SERPINA4: variants seen among roughly 807,000 people sequenced by gnomAD.
The protein encoded by SERPINA4 is kallistatin.
Under a neutral mutation model 25.4 loss-of-function variants are expected in SERPINA4, and 24 were observed. The ratio of observed to expected loss-of-function variants is 0.95; its 90% confidence interval spans 0.69 to 1.33. The LOEUF (loss-of-function observed/expected upper bound fraction) is 1.33. Ranked by LOEUF, SERPINA4 falls within the 40% of genes most tolerant of loss-of-function variation. The pLI is 0.00. For synonymous variants in SERPINA4, 242 were observed against 223.6 expected (o/e 1.08, Z -0.73); for missense variants, 553 against 535.8 (o/e 1.03, Z -0.32).
Position 94,563,805 on chromosome 14 carries a change from A to G in SERPINA4, c.323A>G (p.Asn108Ser), listed in dbSNP as rs1902111155. The G allele has an allele frequency of 1.9e-6, 3 of 1,613,934 alleles. No individual in the cohort carries two copies. The East Asian group carries it at 6.7e-5, about 36-fold the overall frequency. The change falls in exon 2 of 5, where the codon AAC becomes AGC. Residue 108 changes from asparagine (N) to serine (S), a missense_variant. Transcript: ENST00000557004. ...CAGATCCTTGAGGGCCTGGGCTTCA[A>G]CCTCACCGAGCTGTCTGAGTCCGAT... ...RSQILEGLGF[N>S]LTELSESDVH... is the part of the protein sequence containing the mutation.
chr14:94,563,442 T>C (rs1175519193), intron 1 of SERPINA4, 24 bp from the exon 2 acceptor site: 5 of 1,572,128 alleles, frequency 3.2e-6, no homozygotes, highest in Non-Finnish European at 4.3e-6. Flanking sequence ...GGGAATTTCC[T>C]GGGCATTCTC....
intron 1 of SERPINA4, among the ~76,000 whole-genome samples, chr14:94,562,685 A>G (rs1319977878): frequency 6.6e-5 from 10 of 152,216 alleles, no homozygotes; most frequent in African/African-American, 2.2e-4. Flanking sequence ...TTTTGGGTGG[A>G]TAGAAGCCTA....
chr14:94,562,788 C>T (rs1394041082), intron 1 of SERPINA4, among the ~76,000 whole-genome samples: 1 of 152,144 alleles, frequency 6.6e-6, no homozygotes, highest in Non-Finnish European at 1.5e-5. Flanking sequence ...CTTTCTTGGA[C>T]AGATGTTCAT....
At chr14:94,567,925 A>G (rs1902272174) in intron 3 of SERPINA4, among the ~76,000 whole-genome samples, 1 of 152,200 alleles carries the variant, frequency 6.6e-6, no homozygotes, top group Non-Finnish European at 1.5e-5. Flanking sequence ...AGGACGGGAG[A>G]TCCCACAGAC....
At position 94,563,873 on chromosome 14, in the gene SERPINA4, C is replaced by T. The variant is rs770778133; in HGVS notation, c.391C>T (p.Pro131Ser). Reference sequence around the variant, plus strand: ...GCACCTCCTGCACACTCTCAACCTCCCCGGCCATGGGCTGGAAACACGCGT... The same window carrying T: ...GCACCTCCTGCACACTCTCAACCTCTCCGGCCATGGGCTGGAAACACGCGT... ...FQHLLHTLNLPGHGLETRVGS... is the reference protein window; with the variant it reads ...FQHLLHTLNLSGHGLETRVGS... The change falls in exon 2 of 5, where the codon CCC becomes TCC. Residue 131 changes from proline (P) to serine (S), a missense_variant. Transcript: ENST00000557004. The T allele has an allele frequency of 6.8e-6, 11 of 1,614,068 alleles. No individual in the cohort carries two copies. In the Admixed American group the frequency reaches 1.5e-4, roughly 22 times the overall value.
intron 2 of SERPINA4, among the ~76,000 whole-genome samples, chr14:94,564,993 T>A (rs1902157403): frequency 6.6e-6 from 1 of 152,172 alleles, no homozygotes; most frequent in Admixed American, 6.5e-5. Flanking sequence ...GCAAACAACT[T>A]TGTACGGTGT....
rs374911683 is a variant in SERPINA4, at chr14:94,569,628, G to A, written c.*33G>A. On this transcript the variant is annotated 3_prime_UTR_variant, in exon 5 of 5. Coordinates refer to ENST00000557004, the MANE Select transcript of SERPINA4 (RefSeq NM_006215.4). ...AGGGCTGCTCATCTGTTCCAAGCAGGAGGATGTGGCAGGGGAGGGCTGGGA... is the reference window on the plus strand; with the variant it reads ...AGGGCTGCTCATCTGTTCCAAGCAGAAGGATGTGGCAGGGGAGGGCTGGGA... 6.2e-6 allele frequency: 10 copies of A among 1,610,668 alleles called. No homozygotes were observed. The highest frequency in any genetic ancestry group is 5.0e-5 in the Admixed American group (3 of 60,008).
At chr14:94,561,665 C>G (rs1902028795) in intron 1 of SERPINA4, 171 bp downstream of exon 1, 1 of 1,288,358 alleles carries the variant, frequency 7.8e-7, no homozygotes, top group African/African-American at 1.5e-5. Flanking sequence ...GTGAGAAATA[C>G]TCAGGCTAGA....
chr14:94,568,584 G>T (rs769863603), intron 4 of SERPINA4, among the ~76,000 whole-genome samples: 11 of 152,214 alleles, frequency 7.2e-5, no homozygotes, highest in Admixed American at 1.3e-4. Context: ...GCCGGGCATG[G>T]TAACTCATGC....
chr14:94,567,618 C>T (rs1902261706), intron 3 of SERPINA4, among the ~76,000 whole-genome samples: 1 of 152,176 alleles, frequency 6.6e-6, no homozygotes, highest in African/African-American at 2.4e-5. Context: ...AAAAAAACTC[C>T]ATCCACCTAC....
At chr14:94,562,759 G>A (rs1902067995) in intron 1 of SERPINA4, among the ~76,000 whole-genome samples, 1 of 152,168 alleles carries the variant, frequency 6.6e-6, no homozygotes, top group South Asian at 2.1e-4. Flanking sequence ...AGCAGATTTG[G>A]GGGAGAAACT....
At chr14:94,569,062 A>G (rs10139508) in intron 4 of SERPINA4, among the ~76,000 whole-genome samples, 57,916 of 151,816 alleles carry the variant, frequency 0.38, 11,152 homozygotes, top group South Asian at 0.52. Context: ...GGTTATTGAA[A>G]GAGTACTAGT....
Position 94,566,056 on chromosome 14 carries a change from C to T in SERPINA4, c.650-914C>T, listed in dbSNP as rs565914842. Among the ~76,000 whole-genome samples the T allele has an allele frequency of 3.3e-5, 5 of 152,288 alleles. No individual in the cohort carries two copies. The South Asian group carries it at 8.3e-4, about 25-fold the overall frequency. ...TACCTGCCACCACCTCACTGCACATCGCCTCCTGTATTTGCTTCCCTCCTC... is the reference window on the plus strand; with the variant it reads ...TACCTGCCACCACCTCACTGCACATTGCCTCCTGTATTTGCTTCCCTCCTC... On this transcript the variant is annotated intron_variant, in intron 2 of 4. Transcript: ENST00000557004.
chr14:94,566,839 T>G, intron 2 of SERPINA4, 131 bp from the exon 3 acceptor site: 1 of 1,066,452 alleles, frequency 9.4e-7, no homozygotes, highest in African/African-American at 1.6e-5. Flanking sequence ...ATGGGACATC[T>G]TGATGGGCTC....
At chr14:94,563,232 T>C (rs112041269) in intron 1 of SERPINA4, among the ~76,000 whole-genome samples, 44 of 152,282 alleles carry the variant, frequency 2.9e-4, no homozygotes, top group African/African-American at 1.0e-3. Context: ...GGAAACACAA[T>C]GACATGATGG....
At position 94,567,246 on chromosome 14, in the gene SERPINA4, A is replaced by C. The variant is rs763589668; in HGVS notation, c.923+3A>C. ...TGGAACAACTTGTTGCGGAAGAGGT[A>C]ATCAGTGTGCTATGGGGGCTGAATC... On this transcript the variant is annotated splice_donor_region_variant and intron_variant, in intron 3 of 4. Transcript: ENST00000557004. 6.2e-7 allele frequency: 1 copy of C among 1,611,732 alleles called. No homozygotes were observed. Among genetic ancestry groups the C allele is most frequent in the African/African-American group, 1.3e-5 (1 of 74,932 alleles).
chr14:94,561,789 G>A (rs919565825), intron 1 of SERPINA4: 2 of 1,289,842 alleles, frequency 1.6e-6, no homozygotes, highest in Non-Finnish European at 2.0e-6. Flanking sequence ...GAGGGCCAAG[G>A]TCTTCTGGCT....
At chr14:94,565,895 A>T (rs2284656) in intron 2 of SERPINA4, among the ~76,000 whole-genome samples, 37,273 of 151,680 alleles carry the variant, frequency 0.25, 5,018 homozygotes, top group East Asian at 0.47. Context: ...TTAAACTTTA[A>T]AAAAAAAATT....
Position 94,563,988 on chromosome 14 carries a change from A to G in SERPINA4, c.506A>G (p.His169Arg). 1 of 1,614,118 alleles carries G rather than the reference A, an allele frequency of 6.2e-7. No homozygotes were observed. Among genetic ancestry groups the G allele is most frequent in the Non-Finnish European group, 8.5e-7 (1 of 1,180,032 alleles). The change falls in exon 2 of 5, where the codon CAC becomes CGC. Residue 169 changes from histidine to arginine, a missense_variant. Physicochemically the swap from His to Arg is conservative, Grantham distance 29. Coordinates refer to ENST00000557004, the MANE Select transcript of SERPINA4 (RefSeq NM_006215.4). ...GCCGTCTATGAGGCTAAACTCTTCC[A>G]CACCAACTTCTACGACACTGTGGGC... ...TMAVYEAKLFHTNFYDTVGTI... is the reference protein window; with the variant it reads ...TMAVYEAKLFRTNFYDTVGTI...
Sources: gnomAD v4.1 joint callset for allele counts (sites outside exome capture counted in the v4.1 genomes callset) on GRCh38, gnomAD v4.1.1 for gene constraint, MANE v1.5 for transcripts, NCBI Gene and HGNC (gene_info 2026-07-23, HGNC 2026-07-21) for gene names.